The following SORL1 variants were observed in gnomAD, a reference collection of about 807,000 sequenced individuals.
The protein encoded by SORL1 is sortilin-related receptor.
In SORL1, 127 loss-of-function variants were observed where a neutral mutation model predicts 273.7. The observed-to-expected ratio is 0.46, with a 90% CI of 0.40 to 0.54. The LOEUF (loss-of-function observed/expected upper bound fraction) is 0.54, where lower values mean the gene tolerates loss of function less well. SORL1 is among the 20% of genes least tolerant of loss of function. The probability of loss-of-function intolerance (pLI) is 0.00; values close to 1 mark genes in which losing one functional copy is unlikely to be tolerated. For missense variants in SORL1, 2,494 were observed against 2,846.1 expected (o/e 0.88, Z 2.81); for synonymous variants, 1,031 against 1,067.4 (o/e 0.97, Z 0.66).
chr11:121,472,158 A>C (rs1448243072), intron 2 of SORL1, among the ~76,000 whole-genome samples: 1 of 152,148 alleles, frequency 6.6e-6, no homozygotes, highest in East Asian at 1.9e-4. Context: ...AAAATAAAAC[A>C]AAAAATAGAA....
At chr11:121,536,469 C>T (rs937260595) in intron 12 of SORL1, among the ~76,000 whole-genome samples, 3 of 143,804 alleles carry the variant, frequency 2.1e-5, no homozygotes, top group South Asian at 2.4e-4. Context: ...GGTGCGATCT[C>T]GGCTCACTGC....
Position 121,595,918 on chromosome 11 carries a change from A to G in SORL1, c.4519+146A>G, listed in dbSNP as rs1054405909. 12 of 847,224 alleles carry G rather than the reference A, an allele frequency of 1.4e-5. No individual in the cohort carries two copies. In the Admixed American group the frequency reaches 3.2e-4, roughly 22 times the overall value. 52.5% of individuals were successfully genotyped at this position (847,224 alleles called of 1,614,324 possible). ...CCATGCTCTTACTGCATTCTCCACA[A>G]GCGCTTTGCCACGTGCACCCATACC... On this transcript the variant is annotated intron_variant, in intron 32 of 47. Coordinates refer to ENST00000260197, the MANE Select transcript of SORL1 (RefSeq NM_003105.6). The surrounding 1 kb of genome is among the most constrained non-coding windows in gnomAD (Gnocchi z 5.1).
chr11:121,625,319 G>A, intron 46 of SORL1, 42 bp downstream of exon 46: 1 of 1,456,058 alleles, frequency 6.9e-7, no homozygotes, highest in Non-Finnish European at 9.5e-7. Flanking sequence ...CAGTTCTAGG[G>A]AAATAGCAAG....
intron 12 of SORL1, among the ~76,000 whole-genome samples, chr11:121,535,739 T>C (rs1862258342): frequency 6.6e-6 from 1 of 151,946 alleles, no homozygotes; most frequent in African/African-American, 2.4e-5. Flanking sequence ...AGCACAGATA[T>C]CTAGGAGTTG....
intron 46 of SORL1, chr11:121,626,277 C>T (rs918607690): frequency 1.3e-5 from 2 of 152,234 alleles, no homozygotes; most frequent in Admixed American, 1.3e-4. Context: ...ACATCTTGCC[C>T]CTTCACGTTC....
At chr11:121,529,753 C>T (rs141901581) in intron 11 of SORL1, among the ~76,000 whole-genome samples, 2,428 of 152,192 alleles carry the variant, frequency 0.016, 33 homozygotes, top group South Asian at 0.045. Flanking sequence ...CTTTTTTACT[C>T]ATTCTGCCAA....
intron 29 of SORL1, among the ~76,000 whole-genome samples, chr11:121,589,748 A>G: frequency 6.6e-6 from 1 of 152,210 alleles, no homozygotes; most frequent in South Asian, 2.1e-4. Context: ...TACCATCAAT[A>G]GTTGTTTTAT....
intron 4 of SORL1, among the ~76,000 whole-genome samples, chr11:121,488,882 G>T (rs1476510825): frequency 6.6e-6 from 1 of 152,280 alleles, no homozygotes; most frequent in Non-Finnish European, 1.5e-5. Flanking sequence ...ACCTTGGAAC[G>T]TTTTTTTGCA....
chr11:121,489,658 T>C (rs1007302009), intron 4 of SORL1, among the ~76,000 whole-genome samples: 4 of 152,260 alleles, frequency 2.6e-5, no homozygotes, highest in Admixed American at 6.5e-5. Flanking sequence ...ATTTTAGCTG[T>C]TGTGAATAAT....
intron 41 of SORL1, 36 bp from the exon 42 acceptor site, chr11:121,618,738 G>T: frequency 6.2e-7 from 1 of 1,613,308 alleles, no homozygotes; most frequent in South Asian, 1.1e-5. Flanking sequence ...ATCGGCCCAT[G>T]AGCTGATGTC....
chr11:121,492,430 C>T (rs1171031480), intron 5 of SORL1, among the ~76,000 whole-genome samples: 3 of 152,130 alleles, frequency 2.0e-5, no homozygotes, highest in African/African-American at 7.2e-5. Flanking sequence ...TAAAATTGCA[C>T]CTACTCCCCC....
intron 23 of SORL1, among the ~76,000 whole-genome samples, chr11:121,571,614 C>T (rs1862845122): frequency 6.6e-6 from 1 of 152,252 alleles, no homozygotes; most frequent in South Asian, 2.1e-4. Flanking sequence ...GCTCTAGATA[C>T]TCATTTAGCC....
chr11:121,460,022 A>C (rs1860970874), intron 1 of SORL1, among the ~76,000 whole-genome samples: 2 of 152,218 alleles, frequency 1.3e-5, no homozygotes, highest in African/African-American at 4.8e-5. Context: ...CACAGCTACG[A>C]ATTCTCAGAA....
At chr11:121,522,886 T>C (rs774377586) in intron 10 of SORL1, 30 bp from the exon 11 acceptor site, 20 of 1,586,260 alleles carry the variant, frequency 1.3e-5, no homozygotes, top group Non-Finnish European at 1.6e-5. Flanking sequence ...ATTCTTGAAA[T>C]TAAAAATAAT....
intron 6 of SORL1, among the ~76,000 whole-genome samples, chr11:121,506,243 C>T (rs536018352): frequency 2.6e-5 from 4 of 152,184 alleles, no homozygotes; most frequent in African/African-American, 9.6e-5. Flanking sequence ...TTCTATTTTG[C>T]CTATTATTAT....
At position 121,591,553 on chromosome 11, in the gene SORL1, C is replaced by T. The variant is rs146396319; in HGVS notation, c.4369+397C>T. ...TGGGGAGAGAGCCCAATTCAGCTTG[C>T]TAGTTGGCCGGCCTGTCCAACTAAA... On this transcript the variant is annotated intron_variant, in intron 31 of 47. Transcript: ENST00000260197. Among the ~76,000 whole-genome samples the T allele has an allele frequency of 1.2e-3, 180 of 152,270 alleles. 1 individual carries two copies. The highest frequency in any genetic ancestry group is 2.0e-3 in the Non-Finnish European group (139 of 68,032).
intron 27 of SORL1, 53 bp downstream of exon 27, chr11:121,586,382 A>T: frequency 7.7e-7 from 1 of 1,300,420 alleles, no homozygotes; most frequent in Non-Finnish European, 1.1e-6. Flanking sequence ...ATTATGAGTG[A>T]AGAGCGTATA....
chr11:121,616,105 A>C (rs1503413), intron 41 of SORL1, among the ~76,000 whole-genome samples: 1 of 152,156 alleles, frequency 6.6e-6, no homozygotes, highest in Non-Finnish European at 1.5e-5. Context: ...GAGTCTACTC[A>C]TAAAGAACCC....
At chr11:121,566,768 T>C in intron 21 of SORL1, 172 bp from the exon 22 acceptor site, 1 of 592,734 alleles carries the variant, frequency 1.7e-6, no homozygotes, top group South Asian at 2.2e-5. Flanking sequence ...CTGGTTATAC[T>C]GAGCAGAAGT....
Sources: allele counts gnomAD v4.1 joint callset (sites outside exome capture counted in the v4.1 genomes callset), GRCh38; gene constraint gnomAD v4.1.1; non-coding constraint Gnocchi (gnomAD v3.1); transcripts MANE v1.5; gene names NCBI Gene and HGNC (gene_info 2026-07-23, HGNC 2026-07-21).